Variants in CHAF1B observed in about 807,000 individuals in gnomAD.
CHAF1B encodes chromatin assembly factor 1 subunit B.
Under a neutral mutation model 60.7 loss-of-function variants are expected in CHAF1B, and 10 were observed. The ratio of observed to expected loss-of-function variants is 0.16; its 90% CI spans 0.10 to 0.28. The LOEUF (loss-of-function observed/expected upper bound fraction) is 0.28. CHAF1B is among the 10% of genes least tolerant of loss of function. CHAF1B has a pLI of 1.00. For missense variants in CHAF1B, 558 were observed against 708.4 expected (o/e 0.79, Z 2.41); for synonymous variants, 261 against 266.1 (o/e 0.98, Z 0.19).
At chr21:36,386,905 G>A (rs1479687335) in intron 2 of CHAF1B, among the ~76,000 whole-genome samples, 1 of 151,994 alleles carries the variant, frequency 6.6e-6, no homozygotes, top group Non-Finnish European at 1.5e-5. Flanking sequence ...GTAGAGATGG[G>A]GTTTTACCAT....
At chr21:36,398,070 T>G (rs887110177) in intron 6 of CHAF1B, 25 of 150,976 alleles carry the variant, frequency 1.7e-4, no homozygotes, top group African/African-American at 5.6e-4. Context: ...TTTTTTTTTT[T>G]GAGAGAGGGG....
Position 36,391,812 on chromosome 21 carries a change from C to T in CHAF1B, c.377+144C>T, listed in dbSNP as rs1034460494. On this transcript the variant is annotated intron_variant, in intron 4 of 13. Transcript: ENST00000314103. ...GGAGTGCTGTACTGTGATCACAGTA[C>T]CCTGCAGCCTTGACTTCCCGGGCTC... 4.2e-4 allele frequency: 206 copies of T among 490,062 alleles called. 6 individuals are homozygous for T. The East Asian group carries it at 7.2e-3, about 17-fold the overall frequency. The allele number at this position is 490,062 out of a possible 1,614,324, so 30.4% of individuals were successfully genotyped here.
intron 4 of CHAF1B, among the ~76,000 whole-genome samples, chr21:36,393,497 G>A (rs1256532092): frequency 2.1e-5 from 3 of 145,262 alleles, no homozygotes; most frequent in African/African-American, 7.7e-5. Context: ...TGTTGCCCAG[G>A]CTGGAGTGCA....
At chr21:36,386,000 C>G in intron 1 of CHAF1B, 60 bp from the exon 2 acceptor site, 2 of 1,008,886 alleles carry the variant, frequency 2.0e-6, no homozygotes, top group Non-Finnish European at 3.0e-6. Flanking sequence ...GCTCCTGGCC[C>G]CTATTCAGCG....
At chr21:36,414,951 G>A (rs1225385244) in intron 12 of CHAF1B, among the ~76,000 whole-genome samples, 1 of 152,110 alleles carries the variant, frequency 6.6e-6, no homozygotes, top group Non-Finnish European at 1.5e-5. Flanking sequence ...CCTGTGTTTC[G>A]ACGCTTTCTA....
chr21:36,413,033 A>G lies in CHAF1B; in HGVS notation c.1211A>G (p.Gln404Arg), dbSNP rs777642815. ...TPDTAKKTKS[Q>R]THRGSSPGPR... ...GATACAGCAAAGAAAACCAAGAGTC[A>G]GACACATCGAGGGTCTTCGCCAGGA... The change falls in exon 12 of 14, where the codon CAG becomes CGG. Residue 404 changes from glutamine to arginine, a missense_variant. Transcript: ENST00000314103. 9 of 1,614,238 alleles carry G rather than the reference A, an allele frequency of 5.6e-6. No individual in the cohort carries two copies. The East Asian group carries it at 1.8e-4, about 32-fold the overall frequency.
intron 10 of CHAF1B, 88 bp from the exon 11 acceptor site, chr21:36,411,375 A>C (rs2086276843): frequency 3.9e-6 from 6 of 1,532,688 alleles, no homozygotes; most frequent in East Asian, 4.5e-5. Flanking sequence ...CGGCCTCCCA[A>C]AGTGCTGGGA....
chr21:36,396,576 C>T (rs1420305007), intron 5 of CHAF1B, among the ~76,000 whole-genome samples: 1 of 151,306 alleles, frequency 6.6e-6, no homozygotes, highest in Admixed American at 6.6e-5. Flanking sequence ...GTCTCTTGAG[C>T]CTGGGAAGTT....
At chr21:36,388,468 G>GTTTTTT (rs1168454008) in intron 3 of CHAF1B, among the ~76,000 whole-genome samples, 2 of 126,350 alleles carry the variant, frequency 1.6e-5, no homozygotes, top group Non-Finnish European at 3.3e-5. Context: ...GGCTTTGGGA[G>GTTTTTT]TTTTTTTTTT....
intron 12 of CHAF1B, 90 bp from the exon 13 acceptor site, chr21:36,415,205 T>C: frequency 1.3e-6 from 1 of 779,282 alleles, no homozygotes; most frequent in South Asian, 1.6e-5. Context: ...AGTATTTCCT[T>C]TGGTAGTTTT....
intron 7 of CHAF1B, among the ~76,000 whole-genome samples, chr21:36,399,979 G>A (rs2086173981): frequency 6.6e-6 from 1 of 152,180 alleles, no homozygotes; most frequent in Admixed American, 6.5e-5. Context: ...AGGAGTTTGA[G>A]ACCAGCCTGG....
intron 3 of CHAF1B, 73 bp from the exon 4 acceptor site, chr21:36,391,478 A>C: frequency 1.0e-6 from 1 of 1,001,618 alleles, no homozygotes; most frequent in Non-Finnish European, 1.5e-6. Context: ...AAAAAAAAAA[A>C]AATGAAAATA....
chr21:36,399,417 C>A, intron 6 of CHAF1B, 104 bp from the exon 7 acceptor site: 1 of 919,590 alleles, frequency 1.1e-6, no homozygotes, highest in Non-Finnish European at 1.7e-6. Context: ...CTTTTGCAGG[C>A]TGAAAACTGT....
At chr21:36,393,281 T>A (rs2086107953) in intron 4 of CHAF1B, among the ~76,000 whole-genome samples, 1 of 152,040 alleles carries the variant, frequency 6.6e-6, no homozygotes, top group Non-Finnish European at 1.5e-5. Context: ...GGAGACAGGG[T>A]CTCACTATGT....
intron 4 of CHAF1B, among the ~76,000 whole-genome samples, chr21:36,392,692 G>A (rs529947089): frequency 3.3e-5 from 5 of 151,724 alleles, no homozygotes; most frequent in East Asian, 1.9e-4. Flanking sequence ...CTTCTCAGAC[G>A]GGGCGGCCGG....
intron 5 of CHAF1B, 45 bp downstream of exon 5, chr21:36,394,695 C>A: frequency 1.6e-6 from 2 of 1,268,970 alleles, no homozygotes; most frequent in South Asian, 1.3e-5. Flanking sequence ...ATATTCTAAG[C>A]ATCTATAAAA....
chr21:36,395,553 T>C (rs907269869), intron 5 of CHAF1B, among the ~76,000 whole-genome samples: 4 of 152,172 alleles, frequency 2.6e-5, no homozygotes, highest in African/African-American at 7.2e-5. Context: ...GCCCGGGCCC[T>C]GCCTTTATGG....
rs1372633775 is a variant in CHAF1B, at chr21:36,417,268, CAT to C, written c.*909_*910del. 2 of 150,166 alleles carry C rather than the reference CAT, an allele frequency of 1.3e-5. No individual in the cohort carries two copies. Among genetic ancestry groups the C allele is most frequent in the Non-Finnish European group, 1.5e-5 (1 of 67,818 alleles). The allele number at this position is 150,166 out of a possible 1,614,324, so 9.3% of individuals were successfully genotyped here. ...ACACACACATGCACCCACACACACA[CAT>C]ATATATGATACATATATATATATAT... On this transcript the variant is annotated 3_prime_UTR_variant, in exon 14 of 14. Coordinates refer to ENST00000314103, the MANE Select transcript of CHAF1B (RefSeq NM_005441.3).
In CHAF1B at chr21:36,417,566, A is replaced by G. The variant is rs145667793; in HGVS notation, c.*1200A>G. 3,494 of 152,142 alleles carry G rather than the reference A, an allele frequency of 0.023. 60 individuals are homozygous for G. The highest frequency in any genetic ancestry group is 0.044 in the Admixed American group (676 of 15,248). 9.4% of individuals were successfully genotyped at this position (152,142 alleles called of 1,614,324 possible). A position where few individuals can be genotyped will look rare whatever the true frequency, so the allele number is the denominator to read the frequency against. On this transcript the variant is annotated 3_prime_UTR_variant, in exon 14 of 14. Coordinates refer to ENST00000314103, the MANE Select transcript of CHAF1B (RefSeq NM_005441.3). ...GCTGGTCTCTAACTCCTGACCTCAG[A>G]TGATCTGCCTGCCTCGGCCTCCCAA...
Sources: gnomAD v4.1 joint callset for allele counts (sites outside exome capture counted in the v4.1 genomes callset) on GRCh38, gnomAD v4.1.1 for gene constraint, MANE v1.5 for transcripts, NCBI Gene and HGNC (gene_info 2026-07-23, HGNC 2026-07-21) for gene names.